Variants in CADM1 observed in about 807,000 individuals in gnomAD.
CADM1 encodes the protein TSLC-1.
CADM1 carries 15 observed loss-of-function variants against 53.1 expected under a neutral mutation model. The observed-to-expected ratio is 0.28, with a 90% CI of 0.19 to 0.44. CADM1 has a LOEUF of 0.44. CADM1 is among the 20% of genes least tolerant of loss of function. The probability of loss-of-function intolerance (pLI) is 1.00; values close to 1 mark genes in which losing one functional copy is unlikely to be tolerated. For missense variants in CADM1, 434 were observed against 611.3 expected (o/e 0.71, Z 3.06); for synonymous variants, 281 against 243.0 (o/e 1.16, Z -1.45).
chr11:115,233,730 C>A (rs996937179), intron 3 of CADM1, among the ~76,000 whole-genome samples: 2 of 151,880 alleles, frequency 1.3e-5, no homozygotes, highest in African/African-American at 4.8e-5. Flanking sequence ...AAAAAAAATA[C>A]CTTTCAAGGT....
At chr11:115,391,085 T>C (rs941011027) in intron 1 of CADM1, among the ~76,000 whole-genome samples, 1 of 152,224 alleles carries the variant, frequency 6.6e-6, no homozygotes, top group African/African-American at 2.4e-5. Flanking sequence ...TCCTCTCATG[T>C]TTTATGAATC....
chr11:115,395,540 G>A (rs1946973577), intron 1 of CADM1, among the ~76,000 whole-genome samples: 1 of 152,146 alleles, frequency 6.6e-6, no homozygotes, highest in African/African-American at 2.4e-5. Flanking sequence ...CTTTAAGAAG[G>A]ATTTGGGTGA....
At chr11:115,297,071 T>C (rs548616625) in intron 1 of CADM1, among the ~76,000 whole-genome samples, 29 of 152,254 alleles carry the variant, frequency 1.9e-4, no homozygotes, top group Non-Finnish European at 3.8e-4. Flanking sequence ...ATTCCTATAG[T>C]ACATTCCCCT....
intron 1 of CADM1, chr11:115,397,069 T>C (rs916980350): frequency 2.0e-5 from 3 of 152,044 alleles, no homozygotes; most frequent in East Asian, 1.9e-4. Flanking sequence ...AGCAGCTACA[T>C]GGAAAAAAAC....
chr11:115,390,594 A>T (rs1946811229), intron 1 of CADM1, among the ~76,000 whole-genome samples: 1 of 151,898 alleles, frequency 6.6e-6, no homozygotes, highest in African/African-American at 2.4e-5. Context: ...GAAAGGCTGA[A>T]AGGAAAACTG....
chr11:115,397,952 A>G (rs911903149), intron 1 of CADM1, among the ~76,000 whole-genome samples: 1 of 152,168 alleles, frequency 6.6e-6, no homozygotes, highest in African/African-American at 2.4e-5. Context: ...AAATGGGCAC[A>G]TCGCCATACT....
intron 7 of CADM1, among the ~76,000 whole-genome samples, chr11:115,211,893 A>G (rs1158074547): frequency 2.0e-5 from 3 of 152,186 alleles, no homozygotes; most frequent in Non-Finnish European, 4.4e-5. Flanking sequence ...TATGATTATG[A>G]ACCAAGGGGT....
intron 3 of CADM1, among the ~76,000 whole-genome samples, chr11:115,237,937 C>T (rs531368862): frequency 1.3e-5 from 2 of 152,292 alleles, no homozygotes; most frequent in East Asian, 3.9e-4. Flanking sequence ...GTGCTCTTAA[C>T]TCTTTTATGT....
At chr11:115,483,170 G>C (rs967406141) in intron 1 of CADM1, among the ~76,000 whole-genome samples, 1 of 152,206 alleles carries the variant, frequency 6.6e-6, no homozygotes, top group South Asian at 2.1e-4. Flanking sequence ...AAAATTATAC[G>C]TTCAGTATAA....
chr11:115,404,349 ATAT>A (rs1565410047), intron 1 of CADM1, among the ~76,000 whole-genome samples: 543 of 22,918 alleles, frequency 0.024, 20 homozygotes, highest in Non-Finnish European at 0.037. Flanking sequence ...AAAAAAAAAT[ATAT>A]ATATATATAT....
intron 1 of CADM1, among the ~76,000 whole-genome samples, chr11:115,463,214 C>T (rs188862579): frequency 6.6e-6 from 1 of 152,308 alleles, no homozygotes; most frequent in African/African-American, 2.4e-5. Flanking sequence ...AAGCCCTCTG[C>T]TTTAACTCAT....
intron 1 of CADM1, among the ~76,000 whole-genome samples, chr11:115,419,343 G>A (rs1947695514): frequency 6.6e-6 from 1 of 152,118 alleles, no homozygotes; most frequent in South Asian, 2.1e-4. Context: ...AAGTACACAA[G>A]TAACTTTAGA....
rs138470504 is a variant in CADM1 at position 115,428,188 on chromosome 11, C to T, written c.124+76083G>A. Reference sequence around the variant, plus strand: ...AAAGGTACAAATATTTATGAAAAAACGTATCATTAGATTGTAATCTTATAT... The same window carrying T: ...AAAGGTACAAATATTTATGAAAAAATGTATCATTAGATTGTAATCTTATAT... On this transcript the variant is annotated intron_variant, in intron 1 of 11. Transcript: ENST00000331581. 9.2e-5 allele frequency among the ~76,000 whole-genome samples: 14 copies of T among 152,014 alleles called. No individual in the cohort carries two copies. The South Asian group carries it at 1.9e-3, about 20-fold the overall frequency.
chr11:115,212,373 G>C lies in CADM1; in HGVS notation c.994+2235C>G, dbSNP rs572444091. Among the ~76,000 whole-genome samples the C allele has an allele frequency of 3.3e-5, 5 of 152,288 alleles. No individual in the cohort carries two copies. In the East Asian group the frequency reaches 9.6e-4, roughly 29 times the overall value. ...CCTTCCCAAACTGCTAGAGTATTTT[G>C]TTAGTAGACTAGTAATACCTTAGGC... On this transcript the variant is annotated intron_variant, in intron 7 of 11. Coordinates refer to ENST00000331581, the MANE Select transcript of CADM1 (RefSeq NM_001301043.2).
intron 1 of CADM1, among the ~76,000 whole-genome samples, chr11:115,411,186 A>G (rs545407510): frequency 1.3e-5 from 2 of 152,358 alleles, no homozygotes; most frequent in South Asian, 4.1e-4. Context: ...AAGGAAAACT[A>G]GAGGATTTGC....
intron 1 of CADM1, among the ~76,000 whole-genome samples, chr11:115,381,695 A>C (rs1946584018): frequency 6.6e-6 from 1 of 152,212 alleles, no homozygotes; most frequent in Non-Finnish European, 1.5e-5. Flanking sequence ...TGACACACGA[A>C]GTACATTAAT....
At chr11:115,447,039 G>A (rs145793332) in intron 1 of CADM1, among the ~76,000 whole-genome samples, 97 of 152,246 alleles carry the variant, frequency 6.4e-4, no homozygotes, top group African/African-American at 2.2e-3. Context: ...ATTCCTTTAA[G>A]TTTCAGAATC....
At chr11:115,340,122 C>T (rs1255928210) in intron 1 of CADM1, 1 of 152,164 alleles carries the variant, frequency 6.6e-6, no homozygotes, top group Non-Finnish European at 1.5e-5. Flanking sequence ...ATCCTGAACT[C>T]TGGCTGACGA....
intron 1 of CADM1, among the ~76,000 whole-genome samples, chr11:115,282,025 T>A (rs1228321069): frequency 1.3e-5 from 2 of 152,226 alleles, no homozygotes; most frequent in Non-Finnish European, 2.9e-5. Flanking sequence ...TCTTAGAGTT[T>A]TATTGAAAAT....
Sources: allele counts gnomAD v4.1 joint callset (sites outside exome capture counted in the v4.1 genomes callset), GRCh38; gene constraint gnomAD v4.1.1; transcripts MANE v1.5; gene names NCBI Gene and HGNC (gene_info 2026-07-23, HGNC 2026-07-21).